The following OSBPL10 variants were observed in gnomAD, a reference collection of about 807,000 sequenced individuals.
The protein encoded by OSBPL10 is oxysterol-binding protein-related protein 10.
In OSBPL10, 49 loss-of-function variants were observed where a neutral mutation model predicts 81.7. The observed-to-expected ratio is 0.60, with a 90% confidence interval of 0.48 to 0.76. The LOEUF is 0.76. Among genes scored for constraint, OSBPL10 ranks in the 30% least tolerant of loss-of-function variants. The pLI is 0.00. For missense variants in OSBPL10, 923 were observed against 987.8 expected (o/e 0.93, Z 0.88); for synonymous variants, 419 against 383.6 (o/e 1.09, Z -1.08).
chr3:31,676,540 G>A (rs976326230), intron 8 of OSBPL10, among the ~76,000 whole-genome samples: 7 of 152,182 alleles, frequency 4.6e-5, no homozygotes, highest in South Asian at 4.1e-4. Context: ...ATAATTTTGT[G>A]TCCAATCTCA....
At chr3:31,851,476 G>C (rs1700763256) in intron 3 of OSBPL10, among the ~76,000 whole-genome samples, 2 of 152,166 alleles carry the variant, frequency 1.3e-5, no homozygotes, top group Non-Finnish European at 2.9e-5. Context: ...AGGCGCCGCT[G>C]TCGGTCCACA....
intron 6 of OSBPL10, chr3:31,707,397 CA>C (rs1392427649): frequency 6.6e-6 from 1 of 152,226 alleles, no homozygotes; most frequent in Non-Finnish European, 1.5e-5. Context: ...CAAGGACAGA[CA>C]ATAAAGCCAG....
intron 4 of OSBPL10, among the ~76,000 whole-genome samples, chr3:31,827,221 T>C (rs9858316): frequency 0.011 from 1,718 of 152,254 alleles, 31 homozygotes; most frequent in African/African-American, 0.038. Flanking sequence ...CTTCACCTAA[T>C]TATTTTTCAT....
rs149282681 is a variant in OSBPL10 at position 31,878,673 on chromosome 3, C to G, written c.457+982G>C. Among the ~76,000 whole-genome samples, 490 of 152,214 alleles carry G rather than the reference C, an allele frequency of 3.2e-3. 3 individuals are homozygous for G. The highest frequency in any genetic ancestry group is 0.011 in the African/African-American group (453 of 41,518). On this transcript the variant is annotated intron_variant, in intron 2 of 11. Transcript: ENST00000396556. ...ACTGATCATGGTCACGAACAGATAG[C>G]AAGCAGCCGTTTCTTCATACTTAGC...
intron 8 of OSBPL10, among the ~76,000 whole-genome samples, chr3:31,678,424 G>GCA (rs1315858973): frequency 6.6e-6 from 1 of 152,206 alleles, no homozygotes; most frequent in African/African-American, 2.4e-5. Flanking sequence ...TGACACCACT[G>GCA]CACAGCCACC....
At chr3:31,754,281 T>C (rs762588063) in intron 4 of OSBPL10, among the ~76,000 whole-genome samples, 1 of 152,164 alleles carries the variant, frequency 6.6e-6, no homozygotes, top group Non-Finnish European at 1.5e-5. Flanking sequence ...AAGTATCTGT[T>C]AAGCCTGTTT....
intron 1 of OSBPL10, among the ~76,000 whole-genome samples, chr3:31,974,376 C>T (rs1368667140): frequency 6.6e-6 from 1 of 152,182 alleles, no homozygotes; most frequent in African/African-American, 2.4e-5. Context: ...TGGACATGAG[C>T]AAACACTCCT....
intron 4 of OSBPL10, among the ~76,000 whole-genome samples, chr3:31,775,814 G>T (rs975592186): frequency 2.6e-5 from 4 of 152,128 alleles, no homozygotes; most frequent in Non-Finnish European, 5.9e-5. Context: ...TTGGAGGAGC[G>T]GGAGAGAGAA....
At chr3:31,896,060 T>C (rs772835090) in intron 1 of OSBPL10, among the ~76,000 whole-genome samples, 5 of 152,224 alleles carry the variant, frequency 3.3e-5, no homozygotes, top group South Asian at 4.1e-4. Context: ...TAATTTATGA[T>C]AATTAAAAAC....
At chr3:31,890,652 G>A (rs1006339713) in intron 1 of OSBPL10, among the ~76,000 whole-genome samples, 2 of 152,090 alleles carry the variant, frequency 1.3e-5, no homozygotes, top group Non-Finnish European at 2.9e-5. Flanking sequence ...GACTCGATCT[G>A]CTTTTAAAGA....
chr3:31,847,217 GAC>G (rs1700656417), intron 3 of OSBPL10, among the ~76,000 whole-genome samples: 1 of 133,296 alleles, frequency 7.5e-6, no homozygotes, highest in African/African-American at 2.9e-5. Flanking sequence ...TTTTTAAAAA[GAC>G]AGAATTTCAT....
intron 1 of OSBPL10, 116 bp downstream of exon 1, chr3:31,980,783 C>T: frequency 3.1e-6 from 4 of 1,280,096 alleles, no homozygotes; most frequent in South Asian, 2.0e-5. Context: ...TCACTGGGTT[C>T]GCTGAAGGCA....
At chr3:31,690,119 T>C (rs777011742) in intron 7 of OSBPL10, among the ~76,000 whole-genome samples, 49 of 152,084 alleles carry the variant, frequency 3.2e-4, no homozygotes, top group Non-Finnish European at 6.3e-4. Context: ...CCCACCCAAG[T>C]CTCATGTCAA....
chr3:31,700,909 A>C (rs945277205), intron 7 of OSBPL10, among the ~76,000 whole-genome samples: 2 of 152,228 alleles, frequency 1.3e-5, no homozygotes, highest in Admixed American at 6.5e-5. Context: ...CTTGGTGTGC[A>C]AAACAGAAGC....
chr3:31,917,561 T>TGA (rs57936935), intron 1 of OSBPL10, among the ~76,000 whole-genome samples: 44,704 of 150,208 alleles, frequency 0.3, 7,484 homozygotes, highest in African/African-American at 0.43. Flanking sequence ...AACCAGCTTT[T>TGA]GAGAGTCTCT....
At chr3:31,914,055 G>T (rs1023639037) in intron 1 of OSBPL10, among the ~76,000 whole-genome samples, 1 of 152,048 alleles carries the variant, frequency 6.6e-6, no homozygotes, top group Non-Finnish European at 1.5e-5. Context: ...CCAAGTGTTG[G>T]GATTATAGGC....
chr3:31,810,337 T>C (rs1210973021), intron 4 of OSBPL10, among the ~76,000 whole-genome samples: 1 of 152,232 alleles, frequency 6.6e-6, no homozygotes, highest in Non-Finnish European at 1.5e-5. Context: ...TTATTATATG[T>C]AATATGTCTC....
At chr3:31,838,208 C>G (rs1022422890) in intron 3 of OSBPL10, among the ~76,000 whole-genome samples, 1 of 152,082 alleles carries the variant, frequency 6.6e-6, no homozygotes, top group Non-Finnish European at 1.5e-5. Context: ...CCCCTCCCCG[C>G]TAAAAAAGCT....
chr3:31,749,485 A>T (rs995284667), intron 4 of OSBPL10, among the ~76,000 whole-genome samples: 1 of 152,180 alleles, frequency 6.6e-6, no homozygotes, highest in Non-Finnish European at 1.5e-5. Context: ...AAATAAGGAG[A>T]GCTCAATAAG....
Sources: allele counts gnomAD v4.1 joint callset (sites outside exome capture counted in the v4.1 genomes callset), GRCh38; gene constraint gnomAD v4.1.1; transcripts MANE v1.5; gene names NCBI Gene and HGNC (gene_info 2026-07-23, HGNC 2026-07-21).